NUMB: variants seen among roughly 807,000 people sequenced by gnomAD.
The protein encoded by NUMB is NUMB endocytic adaptor protein.
In NUMB, 29 loss-of-function variants were observed where a neutral mutation model predicts 59.7. The ratio of observed to expected loss-of-function variants is 0.49; its 90% CI spans 0.36 to 0.66. NUMB has a LOEUF of 0.66. NUMB is among the 30% of genes least tolerant of loss of function. The pLI is 0.00. For missense variants in NUMB, 723 were observed against 822.0 expected (o/e 0.88, Z 1.47); for synonymous variants, 288 against 288.2 (o/e 1.00, Z 0.01).
At chr14:73,438,043 T>G (rs1898130493) in intron 1 of NUMB, among the ~76,000 whole-genome samples, 1 of 152,258 alleles carries the variant, frequency 6.6e-6, no homozygotes, top group East Asian at 1.9e-4. Flanking sequence ...GGCAAAGCTG[T>G]ATATCTCAAT....
At chr14:73,297,186 T>C (rs1889837195) in intron 7 of NUMB, 25 bp downstream of exon 7, 3 of 1,479,774 alleles carry the variant, frequency 2.0e-6, no homozygotes, top group African/African-American at 2.8e-5. Context: ...ATAAAATAAA[T>C]CAAAATAAAA....
Position 73,284,358 on chromosome 14 carries a change from T to C in NUMB, c.672A>G (p.Ile224Met). Residue 224 changes from isoleucine (I) to methionine (M), a missense_variant, in exon 10 of 13, where the codon ATA becomes ATG. Ile to Met is a conservative substitution (Grantham distance 10, BLOSUM62 1). Around this residue, in one of 2 missense-constraint regions of NUMB, gnomAD observed 317 missense variants for 436.6 expected, o/e 0.73. Coordinates refer to ENST00000555238, the MANE Select transcript of NUMB (RefSeq NM_001005743.2). ...CAGGGGCAACTGATGAACCAACGAC[T>C]ATCTTATCTGTTTCAGCTCAAGAAA... ...QDAKKAETDKIVVGSSVAPGN... is the reference protein window; with the variant it reads ...QDAKKAETDKMVVGSSVAPGN... 3.7e-6 allele frequency: 6 copies of C among 1,612,872 alleles called. No homozygotes were observed. Among genetic ancestry groups the C allele is most frequent in the Non-Finnish European group, 5.1e-6 (6 of 1,179,028 alleles).
rs1265981290 is a variant in NUMB, at chr14:73,292,871, G to A, written c.313C>T (p.Leu105Phe). The change falls in exon 8 of 13, where the codon CTC becomes TTC. Residue 105 changes from leucine to phenylalanine, a missense_variant. Around this residue, in one of 2 missense-constraint regions of NUMB, gnomAD observed 317 missense variants for 436.6 expected, o/e 0.73. Transcript: ENST00000555238. ...TTCTCTATCGTCTGGTCAACTATGA[G>A]GTCCTAGAAAATACGACACACAAAG... ...LRVVDEKTKD[L>F]IVDQTIEKVS... is the part of the protein sequence containing the mutation. 1 of 1,613,950 alleles carries A rather than the reference G, an allele frequency of 6.2e-7. No homozygotes were observed. Among genetic ancestry groups the A allele is most frequent in the Non-Finnish European group, 8.5e-7 (1 of 1,179,998 alleles).
intron 4 of NUMB, among the ~76,000 whole-genome samples, chr14:73,331,097 T>C (rs1226492933): frequency 6.6e-6 from 1 of 152,192 alleles, no homozygotes; most frequent in African/African-American, 2.4e-5. Context: ...CTCAAGGTCT[T>C]AAAGTGCTAA....
intron 11 of NUMB, among the ~76,000 whole-genome samples, chr14:73,280,686 A>ATTTTTTTT (rs397852698): frequency 5.7e-5 from 5 of 87,694 alleles, no homozygotes; most frequent in East Asian, 3.3e-4. Context: ...TGTTGGTACT[A>ATTTTTTTT]TTTTTTTTTT....
intron 1 of NUMB, among the ~76,000 whole-genome samples, chr14:73,428,977 T>C (rs1334584348): frequency 6.6e-6 from 1 of 152,054 alleles, no homozygotes; most frequent in Non-Finnish European, 1.5e-5. Context: ...ACAATCAAGA[T>C]ATAGAACAGA....
chr14:73,408,184 G>A (rs780674800), intron 2 of NUMB, among the ~76,000 whole-genome samples: 7 of 151,400 alleles, frequency 4.6e-5, no homozygotes, highest in Non-Finnish European at 1.0e-4. Context: ...CTGAGATTGC[G>A]CCACTGCACT....
At chr14:73,314,477 CAG>C (rs1890971038) in intron 6 of NUMB, among the ~76,000 whole-genome samples, 1 of 152,050 alleles carries the variant, frequency 6.6e-6, no homozygotes, top group Non-Finnish European at 1.5e-5. Flanking sequence ...CTACCCAACA[CAG>C]TGTGATCCAG....
intron 4 of NUMB, among the ~76,000 whole-genome samples, chr14:73,351,972 T>A (rs930430942): frequency 2.6e-5 from 4 of 151,440 alleles, no homozygotes; most frequent in African/African-American, 7.3e-5. Flanking sequence ...CAAGACTCTG[T>A]CTCAAAAAAT....
At chr14:73,383,875 G>C (rs750307596) in intron 2 of NUMB, among the ~76,000 whole-genome samples, 5 of 152,008 alleles carry the variant, frequency 3.3e-5, no homozygotes, top group Non-Finnish European at 7.4e-5. Flanking sequence ...AATTAGCCAG[G>C]CATGGTGGGA....
chr14:73,353,934 T>C (rs1369930970), intron 4 of NUMB, among the ~76,000 whole-genome samples: 1 of 152,146 alleles, frequency 6.6e-6, no homozygotes, highest in Non-Finnish European at 1.5e-5. Flanking sequence ...TTTAATGTCA[T>C]ATTAAACATT....
chr14:73,452,370 A>G (rs1884049979), intron 1 of NUMB, among the ~76,000 whole-genome samples: 3 of 152,084 alleles, frequency 2.0e-5, no homozygotes, highest in Admixed American at 2.0e-4. Context: ...CAAAAACAAA[A>G]CAAAACAAAA....
intron 2 of NUMB, among the ~76,000 whole-genome samples, chr14:73,400,268 G>T (rs1896349833): frequency 6.6e-6 from 1 of 152,144 alleles, no homozygotes; most frequent in South Asian, 2.1e-4. Context: ...CCAAAGGTTA[G>T]GTGAGAGGAA....
chr14:73,352,534 T>G (rs1339355514), intron 4 of NUMB, among the ~76,000 whole-genome samples: 2 of 69,750 alleles, frequency 2.9e-5, no homozygotes, highest in Non-Finnish European at 6.1e-5. Context: ...ATATATGTTT[T>G]TTTTTTTTTT....
chr14:73,454,026 C>T (rs1489109328), intron 1 of NUMB, among the ~76,000 whole-genome samples: 1 of 151,524 alleles, frequency 6.6e-6, no homozygotes, highest in Non-Finnish European at 1.5e-5. Flanking sequence ...CTCCCCAGCC[C>T]TATCAGGAAA....
At chr14:73,406,107 T>TTA (rs1896659165) in intron 2 of NUMB, among the ~76,000 whole-genome samples, 1 of 151,666 alleles carries the variant, frequency 6.6e-6, no homozygotes, top group African/African-American at 2.4e-5. Context: ...TTTTTTTTTT[T>TTA]ATTATACTTT....
At chr14:73,413,304 C>CTT (rs1193717461) in intron 1 of NUMB, among the ~76,000 whole-genome samples, 1 of 149,602 alleles carries the variant, frequency 6.7e-6, no homozygotes, top group Non-Finnish European at 1.5e-5. Context: ...CCAGGCTGGT[C>CTT]TTTAACTTCT....
chr14:73,367,899 G>C (rs569507493), intron 2 of NUMB, among the ~76,000 whole-genome samples: 1 of 151,930 alleles, frequency 6.6e-6, no homozygotes, highest in African/African-American at 2.4e-5. Context: ...GAGATCACTG[G>C]AATATAAGGG....
At chr14:73,377,030 A>T (rs1451696178) in intron 2 of NUMB, among the ~76,000 whole-genome samples, 2 of 152,206 alleles carry the variant, frequency 1.3e-5, no homozygotes, top group Non-Finnish European at 2.9e-5. Context: ...AAAAAAGAAA[A>T]GGTAAGAAAA....
Sources: allele counts gnomAD v4.1 joint callset (sites outside exome capture counted in the v4.1 genomes callset), GRCh38; gene constraint gnomAD v4.1.1; regional missense constraint gnomAD v4.1.1; transcripts MANE v1.5; gene names NCBI Gene and HGNC (gene_info 2026-07-23, HGNC 2026-07-21).